KLHDC10: variants seen among roughly 807,000 people sequenced by gnomAD.
The protein encoded by KLHDC10 is kelch domain-containing protein 10.
Under a neutral mutation model 56.1 loss-of-function variants are expected in KLHDC10, and 24 were observed. That is an observed-to-expected ratio of 0.43 (90% CI 0.31 to 0.60). The LOEUF (loss-of-function observed/expected upper bound fraction) is 0.60, where lower values mean the gene tolerates loss of function less well. Among genes scored for constraint, KLHDC10 ranks in the 20% least tolerant of loss-of-function variants. KLHDC10 has a pLI of 0.11. For synonymous variants in KLHDC10, 188 were observed against 207.1 expected (o/e 0.91, Z 0.79); for missense variants, 349 against 567.0 (o/e 0.62, Z 3.91).
chr7:130,086,618 C>CT (rs909356231), intron 1 of KLHDC10, among the ~76,000 whole-genome samples: 6 of 151,904 alleles, frequency 3.9e-5, no homozygotes, highest in African/African-American at 1.5e-4. Context: ...CTGCATCTGT[C>CT]TTTTTTTTAA....
rs765229596 is a variant in KLHDC10 at position 130,122,083 on chromosome 7, T to C, written c.660T>C (p.Tyr220=). ...TGGCCATCATCAATGGCTCCCTTTA[T>C]GTCTTTGGAGGTACAACCGGCTATA... is the stretch of plus-strand genomic sequence containing the variant. ...QAMAIINGSL[Y]VFGGTTGYIY... Residue 220 remains tyrosine, a synonymous_variant, in exon 5 of 10, where the codon TAT becomes TAC. Transcript: ENST00000335420. 2 of 1,613,982 alleles carry C rather than the reference T, an allele frequency of 1.2e-6. No homozygotes were observed. Among genetic ancestry groups the C allele is most frequent in the Non-Finnish European group, 1.7e-6 (2 of 1,179,912 alleles).
chr7:130,097,430 A>G (rs1361714679), intron 2 of KLHDC10, among the ~76,000 whole-genome samples: 1 of 152,140 alleles, frequency 6.6e-6, no homozygotes, highest in Non-Finnish European at 1.5e-5. Flanking sequence ...TTAAAAGATA[A>G]AAAAGAGAAT....
chr7:130,128,333 T>C (rs1337106599), intron 8 of KLHDC10, among the ~76,000 whole-genome samples: 2 of 152,250 alleles, frequency 1.3e-5, no homozygotes. Flanking sequence ...AATTTATTCA[T>C]TTAATTCTTT....
At chr7:130,081,618 A>G (rs1343048537) in intron 1 of KLHDC10, among the ~76,000 whole-genome samples, 1 of 152,164 alleles carries the variant, frequency 6.6e-6, no homozygotes, top group East Asian at 1.9e-4. Flanking sequence ...TGCACCCGGC[A>G]TTTTGATAAT....
rs1023448631 is a variant in KLHDC10 at position 130,132,675 on chromosome 7, C to T, written c.*1929C>T. ...TTAACCTCCTGCCACCACTGCCAGG[C>T]TTGCTCCTCCGTTCTCTCCCAGAGC... On this transcript the variant is annotated 3_prime_UTR_variant, in exon 10 of 10. Transcript: ENST00000335420. 1 of 152,340 alleles carries T rather than the reference C, an allele frequency of 6.6e-6. No homozygotes were observed. Among genetic ancestry groups the T allele is most frequent in the Non-Finnish European group, 1.5e-5 (1 of 68,158 alleles). 9.4% of individuals were successfully genotyped at this position (152,340 alleles called of 1,614,324 possible). A position where few individuals can be genotyped will look rare whatever the true frequency, so the allele number is the denominator to read the frequency against.
At chr7:130,112,606 AC>A (rs1205758227) in intron 2 of KLHDC10, among the ~76,000 whole-genome samples, 1 of 152,136 alleles carries the variant, frequency 6.6e-6, no homozygotes, top group African/African-American at 2.4e-5. Flanking sequence ...AAGGTTGAGG[AC>A]CCTATGCTAT....
intron 1 of KLHDC10, among the ~76,000 whole-genome samples, chr7:130,095,347 A>G (rs1795833929): frequency 6.6e-6 from 1 of 152,154 alleles, no homozygotes; most frequent in African/African-American, 2.4e-5. Flanking sequence ...CATAAAGTAA[A>G]GAATATTTAA....
intron 3 of KLHDC10, among the ~76,000 whole-genome samples, chr7:130,119,293 T>A (rs1796214440): frequency 6.6e-6 from 1 of 151,146 alleles, no homozygotes; most frequent in Admixed American, 6.6e-5. Context: ...GGTGGATTGC[T>A]TGAGCTCAGG....
chr7:130,090,708 A>G (rs1454643542), intron 1 of KLHDC10, among the ~76,000 whole-genome samples: 1 of 152,144 alleles, frequency 6.6e-6, no homozygotes, highest in Non-Finnish European at 1.5e-5. Context: ...CACAACTAGG[A>G]AATTGACATT....
intron 3 of KLHDC10, among the ~76,000 whole-genome samples, chr7:130,117,864 A>G (rs1158319486): frequency 6.7e-6 from 1 of 148,954 alleles, no homozygotes; most frequent in Non-Finnish European, 1.5e-5. Flanking sequence ...AAAAAAAAAA[A>G]AAAAAAAAAA....
At chr7:130,084,664 C>T (rs1584620406) in intron 1 of KLHDC10, among the ~76,000 whole-genome samples, 1 of 151,918 alleles carries the variant, frequency 6.6e-6, no homozygotes, top group Non-Finnish European at 1.5e-5. Flanking sequence ...TTAGTCCCAG[C>T]TACTCGGGAG....
At position 130,135,107 on chromosome 7, in the gene KLHDC10, A is replaced by C. The variant is rs989155866; in HGVS notation, c.*4361A>C. 52 of 152,020 alleles carry C rather than the reference A, an allele frequency of 3.4e-4. No individual in the cohort carries two copies. Among genetic ancestry groups the C allele is most frequent in the African/African-American group, 9.2e-4 (38 of 41,494 alleles). 9.4% of individuals were successfully genotyped at this position (152,020 alleles called of 1,614,324 possible). ...TTTTAATTTGAAAAAAAAAAAAAAA[A>C]AAAAACAACTTTTTATAAGTTTTTT... On this transcript the variant is annotated 3_prime_UTR_variant, in exon 10 of 10. Transcript: ENST00000335420.
In KLHDC10 at chr7:130,120,368, T is replaced by C. The variant is rs926494803; in HGVS notation, c.476-381T>C. 2.0e-5 allele frequency among the ~76,000 whole-genome samples: 3 copies of C among 152,218 alleles called. No individual in the cohort carries two copies. The highest frequency in any genetic ancestry group is 4.4e-5 in the Non-Finnish European group (3 of 68,030). On this transcript the variant is annotated intron_variant, in intron 3 of 9. Transcript: ENST00000335420. The surrounding 1 kb of genome is among the most constrained non-coding windows in gnomAD (Gnocchi z 5.1). ...CCCATATAGTGGAATTAGATCTTTT[T>C]CTGCAGAACTTTGTAGTATAGGCTA...
chr7:130,124,273 A>G (rs1217278899), intron 5 of KLHDC10, among the ~76,000 whole-genome samples, 178 bp from the exon 6 acceptor site: 3 of 152,236 alleles, frequency 2.0e-5, no homozygotes, highest in African/African-American at 7.2e-5. Context: ...CTGGTTGTAT[A>G]CTAATCCATT....
intron 1 of KLHDC10, among the ~76,000 whole-genome samples, chr7:130,076,220 C>T (rs1002967160): frequency 6.6e-6 from 1 of 152,000 alleles, no homozygotes; most frequent in Non-Finnish European, 1.5e-5. Flanking sequence ...CAAGCTCTGG[C>T]GGGAATGCTC....
At chr7:130,128,618 A>G (rs1394774168) in intron 8 of KLHDC10, among the ~76,000 whole-genome samples, 3 of 152,076 alleles carry the variant, frequency 2.0e-5, no homozygotes, top group Non-Finnish European at 4.4e-5. Context: ...CCTCAGGTTA[A>G]ATGTCTACAT....
chr7:130,118,572 C>G (rs936915179), intron 3 of KLHDC10, among the ~76,000 whole-genome samples: 1 of 152,336 alleles, frequency 6.6e-6, no homozygotes, highest in East Asian at 1.9e-4. Flanking sequence ...AGAACTTTTC[C>G]TTTGCATTCA....
chr7:130,104,435 C>T (rs55977327), intron 2 of KLHDC10, among the ~76,000 whole-genome samples: 7,634 of 152,126 alleles, frequency 0.05, 250 homozygotes, highest in Non-Finnish European at 0.072. Context: ...TACAGAAATA[C>T]ATAGGGGGAA....
rs762620249 is a variant in KLHDC10, at chr7:130,130,529, A to G, written c.1120-8A>G. ...CGTTTGAATTTGTCCTCTTTTGACTACTCATAGGCTGGTTGCATGTACATT... is the reference window on the plus strand; with the variant it reads ...CGTTTGAATTTGTCCTCTTTTGACTGCTCATAGGCTGGTTGCATGTACATT... On this transcript the variant is annotated splice_polypyrimidine_tract_variant and splice_region_variant and intron_variant, in intron 9 of 9. Coordinates refer to ENST00000335420, the MANE Select transcript of KLHDC10 (RefSeq NM_014997.4). The surrounding 1 kb of genome is among the most constrained non-coding windows in gnomAD (Gnocchi z 4.2). 55 of 1,611,336 alleles carry G rather than the reference A, an allele frequency of 3.4e-5. No homozygotes were observed. Among genetic ancestry groups the G allele is most frequent in the Non-Finnish European group, 4.5e-5 (53 of 1,177,740 alleles).
Sources: gnomAD v4.1 joint callset for allele counts (sites outside exome capture counted in the v4.1 genomes callset) on GRCh38, gnomAD v4.1.1 for gene constraint, Gnocchi (gnomAD v3.1) non-coding constraint, MANE v1.5 for transcripts, NCBI Gene and HGNC (gene_info 2026-07-23, HGNC 2026-07-21) for gene names.